Variants in DICER1 observed in about 807,000 individuals in gnomAD.
The protein encoded by DICER1 is dicer 1, ribonuclease III, also known as endoribonuclease Dicer.
DICER1 carries 43 observed loss-of-function variants against 194.1 expected under a neutral mutation model. The ratio of observed to expected loss-of-function variants is 0.22; its 90% CI spans 0.17 to 0.29. The LOEUF is 0.29. DICER1 is among the 10% of genes least tolerant of loss of function. The probability of loss-of-function intolerance (pLI) is 1.00; values close to 1 mark genes in which losing one functional copy is unlikely to be tolerated. For synonymous variants in DICER1, 832 were observed against 820.5 expected, an observed-to-expected ratio of 1.01 and a Z score of -0.24; for missense variants, 1,608 against 2,317.0, an observed-to-expected ratio of 0.69 and a Z score of 6.28.
At chr14:95,107,535 C>T in intron 17 of DICER1, 73 bp downstream of exon 17, 2 of 1,513,172 alleles carry the variant, frequency 1.3e-6, no homozygotes, top group East Asian at 2.3e-5. Flanking sequence ...CAGGCGTGAG[C>T]CACCGTGCCC....
intron 21 of DICER1, among the ~76,000 whole-genome samples, chr14:95,102,028 G>A (rs1429003784): frequency 6.6e-6 from 1 of 151,886 alleles, no homozygotes; most frequent in East Asian, 1.9e-4. Flanking sequence ...TATAAAATGG[G>A]GAAAATAAAA....
rs1891606303 is a variant in DICER1 at position 95,108,021 on chromosome 14, T to C, written c.2509A>G (p.Met837Val). Residue 837 changes from methionine to valine, a missense_variant, in exon 16 of 27, where the codon ATG becomes GTG. By Grantham distance (21) the Met-to-Val change is conservative. This residue lies in a region of DICER1 where 150 missense variants were observed against 216.0 expected (regional missense o/e 0.69). Coordinates refer to ENST00000343455, the MANE Select transcript of DICER1 (RefSeq NM_177438.3). ...AACTCAAGCATTTGTAGAGACAACA[T>C]GAAACCAGACTTCTTCAACTCAATG... ...ISIELKKSGF[M>V]LSLQMLELIT... 3 of 1,613,720 alleles carry C rather than the reference T, an allele frequency of 1.9e-6. No homozygotes were observed. Among genetic ancestry groups the C allele is most frequent in the Non-Finnish European group, 2.5e-6 (3 of 1,179,626 alleles).
At chr14:95,146,622 C>T (rs920749561) in intron 1 of DICER1, among the ~76,000 whole-genome samples, 8 of 152,246 alleles carry the variant, frequency 5.3e-5, no homozygotes, top group Middle Eastern at 3.4e-3. Context: ...ACTCAGGAAC[C>T]GCCAAACGTG....
chr14:95,091,810 C>T (rs975873121), intron 24 of DICER1, among the ~76,000 whole-genome samples: 32 of 152,238 alleles, frequency 2.1e-4, no homozygotes, highest in African/African-American at 7.5e-4. Flanking sequence ...CTTTGGGGAG[C>T]AGAAATCGCT....
intron 20 of DICER1, 82 bp from the exon 21 acceptor site, chr14:95,104,208 A>G (rs1456312506): frequency 1.4e-5 from 17 of 1,188,822 alleles, no homozygotes; most frequent in South Asian, 4.0e-5. Flanking sequence ...ATTTAAAAAC[A>G]AAAACAAAGA....
At chr14:95,143,858 A>G (rs548455112) in intron 1 of DICER1, among the ~76,000 whole-genome samples, 19 of 152,214 alleles carry the variant, frequency 1.2e-4, no homozygotes, top group Admixed American at 2.6e-4. Context: ...CAAATCTCAA[A>G]CAGTATTCAT....
At chr14:95,155,635 A>G (rs1313110108) in intron 1 of DICER1, among the ~76,000 whole-genome samples, 3 of 152,256 alleles carry the variant, frequency 2.0e-5, no homozygotes, top group Admixed American at 6.5e-5. Flanking sequence ...ATGGAAGCAT[A>G]AAAAGTAAAG....
chr14:95,127,406 A>G (rs1893567676), intron 6 of DICER1, among the ~76,000 whole-genome samples: 2 of 152,340 alleles, frequency 1.3e-5, no homozygotes, highest in East Asian at 3.9e-4. Flanking sequence ...AAGGCTTGGG[A>G]CCTGAACTGT....
chr14:95,150,394 G>A (rs1895437287), intron 1 of DICER1, among the ~76,000 whole-genome samples: 1 of 152,176 alleles, frequency 6.6e-6, no homozygotes, highest in South Asian at 2.1e-4. Flanking sequence ...GCTGACACAG[G>A]AGAATCGCTT....
chr14:95,152,158 GAGTT>G (rs944893211), intron 1 of DICER1, among the ~76,000 whole-genome samples: 1 of 152,214 alleles, frequency 6.6e-6, no homozygotes, highest in African/African-American at 2.4e-5. Flanking sequence ...AAGCACAACA[GAGTT>G]AGTCTGTGCC....
intron 22 of DICER1, 91 bp downstream of exon 22, chr14:95,099,689 A>T (rs1890678459): frequency 6.7e-7 from 1 of 1,481,932 alleles, no homozygotes; most frequent in African/African-American, 1.4e-5. Flanking sequence ...AAAAATTAAT[A>T]AAACAAATTA....
At chr14:95,154,466 G>A (rs532779355) in intron 1 of DICER1, among the ~76,000 whole-genome samples, 1 of 152,306 alleles carries the variant, frequency 6.6e-6, no homozygotes, top group East Asian at 1.9e-4. Context: ...AGTGGCCATG[G>A]ACAGATGAAT....
At chr14:95,131,388 G>A (rs1893935016) in intron 4 of DICER1, 121 bp downstream of exon 4, 2 of 926,532 alleles carry the variant, frequency 2.2e-6, no homozygotes, top group African/African-American at 1.6e-5. Context: ...CTTCTAGGCT[G>A]ATTAAGTATA....
At chr14:95,092,504 C>T (rs1889938334) in intron 24 of DICER1, among the ~76,000 whole-genome samples, 1 of 152,054 alleles carries the variant, frequency 6.6e-6, no homozygotes, top group East Asian at 1.9e-4. Context: ...CTGCTGATTA[C>T]TTAAAAAAAC....
intron 14 of DICER1, among the ~76,000 whole-genome samples, 173 bp from the exon 15 acceptor site, chr14:95,108,676 G>A (rs946605694): frequency 2.0e-5 from 3 of 152,184 alleles, no homozygotes; most frequent in East Asian, 1.9e-4. Context: ...GTAAGTCAGC[G>A]GATCTCAGGA....
Position 95,096,733 on chromosome 14 carries a change from G to C in DICER1, c.4207-20C>G, listed in dbSNP as rs2139856292. 22 of 1,579,280 alleles carry C rather than the reference G, an allele frequency of 1.4e-5. No homozygotes were observed. The highest frequency in any genetic ancestry group is 1.7e-5 in the Non-Finnish European group (20 of 1,161,962). ...TTTTGTCTGAAACGAGGGGGAATGG[G>C]GAAGGAGGGGAAACATAGCTGCTGT... On this transcript the variant is annotated intron_variant, in intron 22 of 26. Transcript: ENST00000343455.
chr14:95,149,382 A>ATC (rs1166868624), intron 1 of DICER1, among the ~76,000 whole-genome samples: 3 of 152,182 alleles, frequency 2.0e-5, no homozygotes, highest in Non-Finnish European at 4.4e-5. Context: ...ATCTCATGTT[A>ATC]TCTGCCTTTC....
chr14:95,126,816 AAAAAGC>A, intron 6 of DICER1, 68 bp from the exon 7 acceptor site: 2 of 985,296 alleles, frequency 2.0e-6, no homozygotes. Context: ...AAAGTTTTTC[AAAAAGC>A]AAAAAAAAAA....
chr14:95,142,992 T>G (rs1473705148), intron 1 of DICER1, among the ~76,000 whole-genome samples: 1 of 152,242 alleles, frequency 6.6e-6, no homozygotes, highest in Non-Finnish European at 1.5e-5. Context: ...CATCACAGAT[T>G]CTGACATTAT....
Sources: gnomAD v4.1 joint callset for allele counts (sites outside exome capture counted in the v4.1 genomes callset) on GRCh38, gnomAD v4.1.1 for gene constraint, gnomAD v4.1.1 regional missense constraint, MANE v1.5 for transcripts, NCBI Gene and HGNC (gene_info 2026-07-23, HGNC 2026-07-21) for gene names.